The following UACA variants were observed in gnomAD, a reference collection of about 807,000 sequenced individuals.
The protein encoded by UACA is uveal autoantigen with coiled-coil domains and ankyrin repeats, also known as nuclear membrane binding protein.
A neutral mutation model predicts 160.5 loss-of-function variants in UACA; 112 were observed. The ratio of observed to expected loss-of-function variants is 0.70; its 90% CI spans 0.60 to 0.82. The LOEUF is 0.82. UACA is among the 40% of genes least tolerant of loss of function. The probability of loss-of-function intolerance (pLI) is 0.00; values close to 1 mark genes in which losing one functional copy is unlikely to be tolerated. For missense variants in UACA, 1,574 were observed against 1,614.6 expected (o/e 0.97, Z 0.43); for synonymous variants, 557 against 568.4 (o/e 0.98, Z 0.29).
intron 1 of UACA, among the ~76,000 whole-genome samples, chr15:70,735,282 C>T (rs1243603928): frequency 6.6e-6 from 1 of 150,982 alleles, no homozygotes; most frequent in African/African-American, 2.4e-5. Context: ...AATCATACCA[C>T]AAACCTCGGC....
chr15:70,664,748 A>T lies in UACA; in HGVS notation c.4027T>A (p.Tyr1343Asn). 1 of 1,613,724 alleles carries T rather than the reference A, an allele frequency of 6.2e-7. No homozygotes were observed. The highest frequency in any genetic ancestry group is 1.7e-5 in the Admixed American group (1 of 59,918). ...QALNGLSQLTYTSGNPTKRQS... is the reference protein window; with the variant it reads ...QALNGLSQLTNTSGNPTKRQS... ...CTCTTGGTGGGGTTCCCACTTGTGT[A>T]GGTGAGTTGGGAAAGGCCATTGAGT... The change falls in exon 17 of 19, where the codon TAC becomes AAC. Residue 1343 changes from tyrosine to asparagine, a missense_variant. Transcript: ENST00000322954.
At chr15:70,739,925 A>G (rs1899477417) in intron 1 of UACA, among the ~76,000 whole-genome samples, 1 of 152,144 alleles carries the variant, frequency 6.6e-6, no homozygotes, top group Non-Finnish European at 1.5e-5. Context: ...TCCCAAATCC[A>G]CTTCTCATTC....
intron 1 of UACA, among the ~76,000 whole-genome samples, chr15:70,707,527 A>G (rs1898555958): frequency 6.6e-6 from 1 of 152,184 alleles, no homozygotes; most frequent in Non-Finnish European, 1.5e-5. Flanking sequence ...TATATCTAAT[A>G]AGGGGCTAAT....
chr15:70,760,999 C>T (rs1443692157), intron 1 of UACA, among the ~76,000 whole-genome samples: 1 of 152,120 alleles, frequency 6.6e-6, no homozygotes, highest in African/African-American at 2.4e-5. Flanking sequence ...TATCCTTTAA[C>T]CCAGCAATTC....
intron 18 of UACA, among the ~76,000 whole-genome samples, chr15:70,659,884 T>C (rs1896641012): frequency 6.6e-6 from 1 of 152,124 alleles, no homozygotes; most frequent in Admixed American, 6.5e-5. Context: ...TAACGTGTGC[T>C]ACCATCACAT....
At position 70,684,510 on chromosome 15, in the gene UACA, C is replaced by T. The variant is rs555951458; in HGVS notation, c.603-64G>A. 2.3e-4 allele frequency: 356 copies of T among 1,517,060 alleles called. 5 individuals carry two copies. The highest frequency in any genetic ancestry group is 1.1e-3 in the South Asian group (85 of 77,492). 94.0% of individuals were successfully genotyped at this position (1,517,060 alleles called of 1,614,324 possible). ...TCCAAGGAAATATTGCAGAAATATT[C>T]TGCCCTATTGTTGAACACTGTCTTA... is the stretch of plus-strand genomic sequence containing the variant. On this transcript the variant is annotated intron_variant, in intron 7 of 18. Transcript: ENST00000322954.
At position 70,667,048 on chromosome 15, in the gene UACA, T is replaced by A; in HGVS notation, c.3636A>T (p.Lys1212Asn). Residue 1212 changes from lysine (K) to asparagine (N), a missense_variant, in exon 16 of 19, where the codon AAA becomes AAT. Coordinates refer to ENST00000322954, the MANE Select transcript of UACA (RefSeq NM_018003.4). ...TAGTCTCTAATTTTTTTAATGCTTG[T>A]TTAGTATTCTGAACCTCCGACTGAA... ...SKLQSEVQNT[K>N]QALKKLETRE... 6.2e-7 allele frequency: 1 copy of A among 1,613,538 alleles called. No individual in the cohort carries two copies. Among genetic ancestry groups the A allele is most frequent in the Non-Finnish European group, 8.5e-7 (1 of 1,179,912 alleles).
At position 70,714,098 on chromosome 15, in the gene UACA, T is replaced by G. The variant is rs529371174; in HGVS notation, c.79-14438A>C. ...CTATAGTACCCTATAATTACCAACA[T>G]TCTCTGTTACACAAGCTCTATCACA... is the stretch of plus-strand genomic sequence containing the variant. On this transcript the variant is annotated intron_variant, in intron 1 of 18. Coordinates refer to ENST00000322954, the MANE Select transcript of UACA (RefSeq NM_018003.4). 2.0e-5 allele frequency among the ~76,000 whole-genome samples: 3 copies of G among 152,278 alleles called. 1 individual carries two copies. The South Asian group carries it at 6.2e-4, about 32-fold the overall frequency.
intron 17 of UACA, chr15:70,661,662 T>C (rs1896710250): frequency 6.6e-6 from 1 of 152,174 alleles, no homozygotes; most frequent in African/African-American, 2.4e-5. Context: ...TCAATGTGTA[T>C]TAGTGCATAA....
At chr15:70,693,472 C>T (rs921915373) in intron 3 of UACA, among the ~76,000 whole-genome samples, 1 of 152,012 alleles carries the variant, frequency 6.6e-6, no homozygotes, top group Admixed American at 6.6e-5. Flanking sequence ...ATATCTACAT[C>T]TGGATTATAA....
chr15:70,700,814 G>T (rs937094042), intron 1 of UACA, among the ~76,000 whole-genome samples: 2 of 151,576 alleles, frequency 1.3e-5, no homozygotes, highest in Non-Finnish European at 1.5e-5. Context: ...ATTATTTCTA[G>T]AACAAAAAAA....
At chr15:70,678,733 T>C (rs959045598) in intron 10 of UACA, among the ~76,000 whole-genome samples, 5 of 152,204 alleles carry the variant, frequency 3.3e-5, no homozygotes, top group African/African-American at 1.2e-4. Context: ...GTTTCAGTCA[T>C]AAAATTAATT....
intron 1 of UACA, among the ~76,000 whole-genome samples, chr15:70,713,886 T>C (rs1898754473): frequency 6.6e-6 from 1 of 152,014 alleles, no homozygotes; most frequent in Non-Finnish European, 1.5e-5. Context: ...TGAACCATGC[T>C]AAAAAAACAA....
chr15:70,761,772 C>T (rs573371573), intron 1 of UACA, among the ~76,000 whole-genome samples: 5 of 152,290 alleles, frequency 3.3e-5, no homozygotes, highest in African/African-American at 1.2e-4. Context: ...GAGATATGCA[C>T]TTTATGTTCC....
chr15:70,682,658 A>G (rs1016916292), intron 9 of UACA, 100 bp downstream of exon 9: 3 of 649,064 alleles, frequency 4.6e-6, no homozygotes, highest in East Asian at 3.5e-5. Context: ...GATAGAACGC[A>G]TTTAAACTCA....
intron 10 of UACA, among the ~76,000 whole-genome samples, chr15:70,679,320 T>C (rs1258947888): frequency 6.6e-6 from 1 of 151,804 alleles, no homozygotes; most frequent in Non-Finnish European, 1.5e-5. Flanking sequence ...GGAGGATCAC[T>C]TGAACCTGGG....
chr15:70,713,326 C>A (rs1200608882), intron 1 of UACA, among the ~76,000 whole-genome samples: 1 of 152,032 alleles, frequency 6.6e-6, no homozygotes, highest in Non-Finnish European at 1.5e-5. Flanking sequence ...CCAGCCTGGG[C>A]GACAGAGCGA....
intron 1 of UACA, among the ~76,000 whole-genome samples, chr15:70,750,706 C>T (rs190230304): frequency 1.4e-3 from 216 of 152,202 alleles, no homozygotes; most frequent in African/African-American, 3.9e-3. Flanking sequence ...CCTGTCTCTA[C>T]AAAAAATAAA....
chr15:70,691,271 A>G, intron 4 of UACA, 28 bp downstream of exon 4: 1 of 1,501,986 alleles, frequency 6.7e-7, no homozygotes, highest in South Asian at 1.3e-5. Context: ...CAAAATAATA[A>G]AGCTAAAGTA....
Sources: gnomAD v4.1 joint callset for allele counts (sites outside exome capture counted in the v4.1 genomes callset) on GRCh38, gnomAD v4.1.1 for gene constraint, MANE v1.5 for transcripts, NCBI Gene and HGNC (gene_info 2026-07-23, HGNC 2026-07-21) for gene names.